The following PDE9A variants were observed in gnomAD, a reference collection of about 807,000 sequenced individuals.
The protein encoded by PDE9A is high affinity cGMP-specific 3',5'-cyclic phosphodiesterase 9A.
A neutral mutation model predicts 87.4 loss-of-function variants in PDE9A; 60 were observed. The ratio of observed to expected loss-of-function variants is 0.69; its 90% CI spans 0.56 to 0.85. The LOEUF (loss-of-function observed/expected upper bound fraction) is 0.85. Ranked by LOEUF, PDE9A falls within the 40% of genes least tolerant of loss-of-function variation. PDE9A has a pLI of 0.00. For missense variants in PDE9A, 665 were observed against 779.0 expected (o/e 0.85, Z 1.74); for synonymous variants, 272 against 279.4 (o/e 0.97, Z 0.27).
chr21:42,721,915 G>A (rs932696469), intron 4 of PDE9A, among the ~76,000 whole-genome samples: 2 of 151,760 alleles, frequency 1.3e-5, no homozygotes, highest in African/African-American at 4.8e-5. Context: ...TTTCCCTAAT[G>A]CAAAAATAAA....
intron 1 of PDE9A, among the ~76,000 whole-genome samples, chr21:42,676,856 A>G (rs565075656): frequency 6.6e-6 from 1 of 152,378 alleles, no homozygotes; most frequent in South Asian, 2.1e-4. Flanking sequence ...ATTAATAAGC[A>G]TCATCATCAA....
Position 42,743,791 on chromosome 21 carries a change from T to G in PDE9A, c.584T>G (p.Val195Gly). The G allele has an allele frequency of 6.3e-7, 1 of 1,589,602 alleles. No individual in the cohort carries two copies. Among genetic ancestry groups the G allele is most frequent in the Non-Finnish European group, 8.6e-7 (1 of 1,166,608 alleles). Residue 195 changes from valine to glycine, a missense_variant, in exon 8 of 20, where the codon GTG becomes GGG. Coordinates refer to ENST00000291539, the MANE Select transcript of PDE9A (RefSeq NM_002606.3). ...EKRVELEGLKVVEIEKCKSDI... is the reference protein window; with the variant it reads ...EKRVELEGLKGVEIEKCKSDI... ...CTGTCACCAGTGGAAGGACTAAAAGTGGTGGAGATTGAGAAATGCAAGAGT... is the reference window on the plus strand; with the variant it reads ...CTGTCACCAGTGGAAGGACTAAAAGGGGTGGAGATTGAGAAATGCAAGAGT...
At chr21:42,682,766 C>G (rs1297051773) in intron 1 of PDE9A, among the ~76,000 whole-genome samples, 1 of 152,248 alleles carries the variant, frequency 6.6e-6, no homozygotes, top group African/African-American at 2.4e-5. Context: ...TGCACAGTCA[C>G]CCTCGGCCCC....
At chr21:42,700,094 A>G (rs1186705119) in intron 4 of PDE9A, among the ~76,000 whole-genome samples, 1 of 152,100 alleles carries the variant, frequency 6.6e-6, no homozygotes, top group African/African-American at 2.4e-5. Flanking sequence ...TCTTTTTGAG[A>G]GTTTCATATA....
rs192789586 is a variant in PDE9A at position 42,693,526 on chromosome 21, G to A, written c.219-5442G>A. Among the ~76,000 whole-genome samples, 210 of 151,128 alleles carry A rather than the reference G, an allele frequency of 1.4e-3. 1 individual carries two copies. Among genetic ancestry groups the A allele is most frequent in the Non-Finnish European group, 2.2e-3 (152 of 67,872 alleles). On this transcript the variant is annotated intron_variant, in intron 3 of 19. Transcript: ENST00000291539. ...AGGATGATCACGATCTCCTGACCTC[G>A]TGATCCACCTGCCTCGGCCCCCCAG...
rs1431957613 is a variant in PDE9A, at chr21:42,726,609, TATATATATATATA to T, written c.263-5160_263-5148del. Reference sequence around the variant, plus strand: ...ACGCCTGGCCATATATATATATATATATATATATATATATATTTTTTTTTTTTTTTTTGTAGAG... The same window carrying T: ...ACGCCTGGCCATATATATATATATATTATTTTTTTTTTTTTTTTTGTAGAG... On this transcript the variant is annotated intron_variant, in intron 4 of 19. Coordinates refer to ENST00000291539, the MANE Select transcript of PDE9A (RefSeq NM_002606.3). 1.7e-3 allele frequency among the ~76,000 whole-genome samples: 44 copies of T among 25,486 alleles called. 2 individuals carry two copies. Among genetic ancestry groups the T allele is most frequent in the African/African-American group, 7.5e-3 (28 of 3,736 alleles). 16.7% of individuals were successfully genotyped at this position (25,486 alleles called of 152,430 possible).
chr21:42,662,604 GCA>G (rs779586729), intron 1 of PDE9A, among the ~76,000 whole-genome samples: 112 of 126,014 alleles, frequency 8.9e-4, no homozygotes, highest in Admixed American at 1.7e-3. Flanking sequence ...TCATACACAT[GCA>G]CACACACCAC....
In PDE9A at chr21:42,759,222, G is replaced by T; in HGVS notation, c.897+137G>T. The T allele has an allele frequency of 1.5e-6, 1 of 654,480 alleles. No homozygotes were observed. The highest frequency in any genetic ancestry group is 2.8e-6 in the Non-Finnish European group (1 of 360,406). The allele number at this position is 654,480 out of a possible 1,614,324, so 40.5% of individuals were successfully genotyped here. A position where few individuals can be genotyped will look rare whatever the true frequency, so the allele number is the denominator to read the frequency against. On this transcript the variant is annotated intron_variant, in intron 11 of 19. Coordinates refer to ENST00000291539, the MANE Select transcript of PDE9A (RefSeq NM_002606.3). This position sits in a 1 kb window ranked among gnomAD's most constrained non-coding sequence, Gnocchi z 7.2. ...GTGAGCAGAGGTGACATTTCCCCGG[G>T]AGTTCTGTGAGGACACTCAGCCTGT...
intron 7 of PDE9A, among the ~76,000 whole-genome samples, chr21:42,740,704 G>GTAGGTAGA (rs2053109751): frequency 2.2e-5 from 3 of 133,346 alleles, no homozygotes; most frequent in South Asian, 2.6e-4. Context: ...TAGGTAGGTA[G>GTAGGTAGA]TAGATAGATA....
intron 4 of PDE9A, among the ~76,000 whole-genome samples, chr21:42,715,137 T>C (rs1569190566): frequency 6.6e-6 from 1 of 152,166 alleles, no homozygotes; most frequent in South Asian, 2.1e-4. Context: ...AGCTGTCTCT[T>C]TTTGCATTAT....
At chr21:42,717,038 A>T (rs1055905981) in intron 4 of PDE9A, among the ~76,000 whole-genome samples, 6 of 151,184 alleles carry the variant, frequency 4.0e-5, no homozygotes, top group Non-Finnish European at 3.0e-5. Flanking sequence ...AGGCGTGATT[A>T]TAGGCCACTG....
At chr21:42,670,172 C>G (rs1055867014) in intron 1 of PDE9A, among the ~76,000 whole-genome samples, 3 of 148,218 alleles carry the variant, frequency 2.0e-5, no homozygotes, top group African/African-American at 7.9e-5. Flanking sequence ...CACATTCACA[C>G]GCACACATAC....
intron 8 of PDE9A, among the ~76,000 whole-genome samples, chr21:42,747,621 C>T (rs921169577): frequency 6.6e-6 from 1 of 152,240 alleles, no homozygotes. Flanking sequence ...GTTTCTCCTG[C>T]TTTTCCCTCA....
intron 4 of PDE9A, chr21:42,724,754 T>C (rs375002680): frequency 1.1e-3 from 215 of 203,578 alleles, no homozygotes; most frequent in African/African-American, 4.8e-3. Flanking sequence ...GGCCGAGGTG[T>C]GGCTATGACA....
In PDE9A at chr21:42,772,217, C is replaced by T. The variant is rs532009109; in HGVS notation, c.1687-222C>T. Among the ~76,000 whole-genome samples, 42 of 152,358 alleles carry T rather than the reference C, an allele frequency of 2.8e-4. 1 individual carries two copies. In the South Asian group the frequency reaches 3.5e-3, roughly 13 times the overall value. On this transcript the variant is annotated intron_variant, in intron 18 of 19. Transcript: ENST00000291539. ...GCTGTGGTGGCTGCAGCTGGGTGAG[C>T]TCACTGTCCAGGCCCCAGATGAGGC...
At chr21:42,740,968 G>C (rs1273684329) in intron 7 of PDE9A, 2 of 152,040 alleles carry the variant, frequency 1.3e-5, no homozygotes, top group African/African-American at 4.8e-5. Flanking sequence ...ATGATAATAG[G>C]ATATTTTATA....
rs940273031 is a variant in PDE9A at position 42,696,357 on chromosome 21, A to C, written c.219-2611A>C. On this transcript the variant is annotated intron_variant, in intron 3 of 19. Coordinates refer to ENST00000291539, the MANE Select transcript of PDE9A (RefSeq NM_002606.3). The surrounding 1 kb of genome is among the most constrained non-coding windows in gnomAD (Gnocchi z 5.1). ...CTGGAGCCCTTCTCTGCGCCTGGTC[A>C]CTACCCGCCCCCCACCTCCAGCATT... Among the ~76,000 whole-genome samples, 1 of 152,018 alleles carries C rather than the reference A, an allele frequency of 6.6e-6. No individual in the cohort carries two copies. The highest frequency in any genetic ancestry group is 1.5e-5 in the Non-Finnish European group (1 of 67,990).
chr21:42,670,521 C>CA (rs1275275939), intron 1 of PDE9A, among the ~76,000 whole-genome samples: 52 of 144,944 alleles, frequency 3.6e-4, no homozygotes, highest in African/African-American at 1.2e-3. Context: ...CACACACAGG[C>CA]AATCACACAT....
At chr21:42,769,186 C>G (rs755484412) in intron 17 of PDE9A, 31 bp downstream of exon 17, 2 of 1,604,660 alleles carry the variant, frequency 1.2e-6, no homozygotes, top group Non-Finnish European at 1.7e-6. Flanking sequence ...GTCACACTTG[C>G]TTACACTCAG....
Sources: allele counts gnomAD v4.1 joint callset (sites outside exome capture counted in the v4.1 genomes callset), GRCh38; gene constraint gnomAD v4.1.1; non-coding constraint Gnocchi (gnomAD v3.1); transcripts MANE v1.5; gene names NCBI Gene and HGNC (gene_info 2026-07-23, HGNC 2026-07-21).